GRIK5: variants seen among roughly 807,000 people sequenced by gnomAD.
GRIK5 encodes glutamate ionotropic receptor kainate type subunit 5, also known as glutamate receptor ionotropic, kainate 5.
In GRIK5, 43 loss-of-function variants were observed where a neutral mutation model predicts 97.4. The ratio of observed to expected loss-of-function variants is 0.44; its 90% CI spans 0.35 to 0.57. GRIK5 has a LOEUF of 0.57. Ranked by LOEUF, GRIK5 falls within the 20% of genes least tolerant of loss-of-function variation. The pLI is 0.01. For missense variants in GRIK5, 1,015 were observed against 1,382.0 expected (o/e 0.73, Z 4.21); for synonymous variants, 580 against 583.5 (o/e 0.99, Z 0.09).
Position 42,021,488 on chromosome 19 carries a change from T to G in GRIK5, c.1698-14A>C. 1.3e-6 allele frequency: 2 copies of G among 1,521,514 alleles called. No individual in the cohort carries two copies. The highest frequency in any genetic ancestry group is 4.7e-5 in the East Asian group (2 of 42,712). The allele number at this position is 1,521,514 out of a possible 1,614,324, so 94.3% of individuals were successfully genotyped here. On this transcript the variant is annotated splice_polypyrimidine_tract_variant and intron_variant, in intron 14 of 19. Coordinates refer to ENST00000593562, the MANE Select transcript of GRIK5 (RefSeq NM_002088.5). This position sits in a 1 kb window ranked among gnomAD's most constrained non-coding sequence, Gnocchi z 4.2. ...TAGGGGCTCAGCCTGTGGAGAGACG[T>G]GCAGCGTGTGGATGGGGCCCAGAGC...
chr19:42,048,920 T>C (rs2076077831), intron 11 of GRIK5, among the ~76,000 whole-genome samples: 1 of 151,890 alleles, frequency 6.6e-6, no homozygotes. Flanking sequence ...TGCACGACTG[T>C]GGTCCCAGCT....
In GRIK5 at chr19:42,070,045, G is replaced by A. The variant is rs914183866; in HGVS notation, c.-855C>T. 3.1e-4 allele frequency among the ~76,000 whole-genome samples: 47 copies of A among 152,090 alleles called. No homozygotes were observed. Among genetic ancestry groups the A allele is most frequent in the South Asian group, 2.1e-4 (1 of 4,832 alleles). ...CTGGGCCTCAGTGGGAGGGCCTGGC[G>A]ACACACTCCTGGTCCCCTGTGAGGA... On this transcript the variant is annotated 5_prime_UTR_variant, in exon 1 of 20. Coordinates refer to ENST00000593562, the MANE Select transcript of GRIK5 (RefSeq NM_002088.5).
At position 42,054,375 on chromosome 19, in the gene GRIK5, C is replaced by T. The variant is rs1322206134; in HGVS notation, c.1001G>A (p.Cys334Tyr). The T allele has an allele frequency of 4.3e-6, 7 of 1,613,690 alleles. No homozygotes were observed. Among genetic ancestry groups the T allele is most frequent in the Non-Finnish European group, 5.9e-6 (7 of 1,179,970 alleles). Residue 334 changes from cysteine (C) to tyrosine (Y), a missense_variant, in exon 9 of 20, where the codon TGT becomes TAT. Coordinates refer to ENST00000593562, the MANE Select transcript of GRIK5 (RefSeq NM_002088.5). ...GTGGGGCCAAATGTTGGCCGATGTA[C>T]AGGCCAGAGGCTTCACACCGATCTC... ...SQEIGVKPLA[C>Y]TSANIWPHGT...
chr19:42,063,362 T>G (rs1441153720), intron 3 of GRIK5: 1 of 456,664 alleles, frequency 2.2e-6, no homozygotes, highest in African/African-American at 2.0e-5. Flanking sequence ...GACTGGGAGG[T>G]GGAAAGCTGT....
intron 15 of GRIK5, among the ~76,000 whole-genome samples, chr19:42,010,787 T>G (rs2075551983): frequency 6.6e-6 from 1 of 152,220 alleles, no homozygotes; most frequent in African/African-American, 2.4e-5. Context: ...GATATATTCC[T>G]CACTTTCAAA....
intron 12 of GRIK5, among the ~76,000 whole-genome samples, chr19:42,032,956 A>G (rs2075856569): frequency 6.6e-6 from 1 of 152,196 alleles, no homozygotes; most frequent in Admixed American, 6.5e-5. Flanking sequence ...AGCCAGTGCA[A>G]TCATTTTTAA....
In GRIK5 at chr19:41,999,192, C is replaced by G; in HGVS notation, c.2622G>C (p.Leu874=). ...RRRPGGPSRA[L]LSLRAVREMR... is the part of the protein sequence containing the mutation. Reference sequence around the variant, plus strand: ...TCTCGCGGACCGCGCGCAGTGACAGCAGGGCCCGGCTCGGGCCGCCCGGGC... The same window carrying G: ...TCTCGCGGACCGCGCGCAGTGACAGGAGGGCCCGGCTCGGGCCGCCCGGGC... The change falls in exon 20 of 20, where the codon CTG becomes CTC. Residue 874 remains leucine, a synonymous_variant. Transcript: ENST00000593562. The surrounding 1 kb of genome is among the most constrained non-coding windows in gnomAD (Gnocchi z 5.0). 1.3e-6 allele frequency: 2 copies of G among 1,516,048 alleles called. No individual in the cohort carries two copies. Among genetic ancestry groups the G allele is most frequent in the South Asian group, 1.2e-5 (1 of 82,696 alleles). 93.9% of individuals were successfully genotyped at this position (1,516,048 alleles called of 1,614,324 possible). A position where few individuals can be genotyped will look rare whatever the true frequency, so the allele number is the denominator to read the frequency against.
rs957879519 is a variant in GRIK5, at chr19:42,021,570, G to T, written c.1698-96C>A. On this transcript the variant is annotated intron_variant, in intron 14 of 19. Coordinates refer to ENST00000593562, the MANE Select transcript of GRIK5 (RefSeq NM_002088.5). This position sits in a 1 kb window ranked among gnomAD's most constrained non-coding sequence, Gnocchi z 4.2. ...GAAAGTCACAGTGATCAGAAGAAAG[G>T]GGGAGAGATGGAAAAAGGAGCAAGA... The T allele has an allele frequency of 3.9e-6, 4 of 1,029,062 alleles. No homozygotes were observed. The highest frequency in any genetic ancestry group is 5.5e-6 in the Non-Finnish European group (4 of 724,264). 63.7% of individuals were successfully genotyped at this position (1,029,062 alleles called of 1,614,324 possible). A position where few individuals can be genotyped will look rare whatever the true frequency, so the allele number is the denominator to read the frequency against.
chr19:42,054,013 C>T, intron 9 of GRIK5, 84 bp from the exon 10 acceptor site: 1 of 883,486 alleles, frequency 1.1e-6, no homozygotes, highest in Non-Finnish European at 1.9e-6. Flanking sequence ...GAGACATCCA[C>T]AGAGAAAGGC....
chr19:42,003,031 T>G lies in GRIK5; in HGVS notation c.2514+301A>C, dbSNP rs1555871384. Among the ~76,000 whole-genome samples, 1 of 152,020 alleles carries G rather than the reference T, an allele frequency of 6.6e-6. No individual in the cohort carries two copies. The highest frequency in any genetic ancestry group is 1.5e-5 in the Non-Finnish European group (1 of 67,988). ...GATTACAGGTGTGAGCCACTGCACT[T>G]GGCCCTGTTTCTCTTCTTATTTCTT... On this transcript the variant is annotated intron_variant, in intron 19 of 19. Coordinates refer to ENST00000593562, the MANE Select transcript of GRIK5 (RefSeq NM_002088.5). This position sits in a 1 kb window ranked among gnomAD's most constrained non-coding sequence, Gnocchi z 4.2.
rs1256986333 is a variant in GRIK5 at position 42,006,864 on chromosome 19, C to G, written c.1872-54G>C. 7.1e-7 allele frequency: 1 copy of G among 1,408,824 alleles called. No homozygotes were observed. The allele number at this position is 1,408,824 out of a possible 1,614,324, so 87.3% of individuals were successfully genotyped here. Reference sequence around the variant, plus strand: ...CTGGAGTCACCCCTGCTGACCTGCCCCCGTGGCCATGCCCCCCATTGGTGG... The same window carrying G: ...CTGGAGTCACCCCTGCTGACCTGCCGCCGTGGCCATGCCCCCCATTGGTGG... On this transcript the variant is annotated intron_variant, in intron 15 of 19. Coordinates refer to ENST00000593562, the MANE Select transcript of GRIK5 (RefSeq NM_002088.5). This position sits in a 1 kb window ranked among gnomAD's most constrained non-coding sequence, Gnocchi z 5.3.
rs780715349 is a variant in GRIK5 at position 42,022,380 on chromosome 19, G to T, written c.1474-26C>A. 1.3e-6 allele frequency: 2 copies of T among 1,590,678 alleles called. No homozygotes were observed. The highest frequency in any genetic ancestry group is 1.7e-6 in the Non-Finnish European group (2 of 1,160,354). On this transcript the variant is annotated intron_variant, in intron 12 of 19. Transcript: ENST00000593562. The surrounding 1 kb of genome is among the most constrained non-coding windows in gnomAD (Gnocchi z 4.2). ...CTGCTGGAGGGGAAGCCGGGCAGGG[G>T]TGGAGGGGGACAGAGGGGAAGACAG... is the stretch of plus-strand genomic sequence containing the variant.
chr19:42,004,046 C>T (rs1363411780), intron 17 of GRIK5, among the ~76,000 whole-genome samples: 3 of 152,198 alleles, frequency 2.0e-5, no homozygotes, highest in African/African-American at 7.2e-5. Flanking sequence ...AGGACCTTTG[C>T]CTCTGCCTGG....
In GRIK5 at chr19:42,065,410, G is replaced by A. The variant is rs768236480; in HGVS notation, c.80-23C>T. On this transcript the variant is annotated intron_variant, in intron 2 of 19. Transcript: ENST00000593562. The surrounding 1 kb of genome is among the most constrained non-coding windows in gnomAD (Gnocchi z 5.8). ...CAGCTGAGGGGACACATGGGTTGGG[G>A]ACCAGACTCCTGAGTCCTGAGGAAG... 6.4e-7 allele frequency: 1 copy of A among 1,561,700 alleles called. No individual in the cohort carries two copies. Among genetic ancestry groups the A allele is most frequent in the South Asian group, 1.2e-5 (1 of 85,448 alleles).
intron 15 of GRIK5, among the ~76,000 whole-genome samples, chr19:42,010,066 CAA>C (rs60561027): frequency 2.7e-3 from 281 of 104,076 alleles, no homozygotes; most frequent in African/African-American, 5.6e-3. Flanking sequence ...AACTCCATCT[CAA>C]AAAAAAAAAA....
In GRIK5 at chr19:42,002,236, C is replaced by T. The variant is rs1177970846; in HGVS notation, c.2514+1096G>A. The T allele has an allele frequency of 1.4e-6, 1 of 717,294 alleles. No individual in the cohort carries two copies. Among genetic ancestry groups the T allele is most frequent in the Admixed American group, 2.0e-5 (1 of 50,004 alleles). The allele number at this position is 717,294 out of a possible 1,614,324, so 44.4% of individuals were successfully genotyped here. A position where few individuals can be genotyped will look rare whatever the true frequency, so the allele number is the denominator to read the frequency against. On this transcript the variant is annotated intron_variant, in intron 19 of 19. Coordinates refer to ENST00000593562, the MANE Select transcript of GRIK5 (RefSeq NM_002088.5). The surrounding 1 kb of genome is among the most constrained non-coding windows in gnomAD (Gnocchi z 5.2). ...GAAGAAACTGGAAGCATCAGGGAGA[C>T]CCCCCACTGCTGCCAAGGCTGTAAA...
chr19:42,027,285 G>A (rs2075783944), intron 12 of GRIK5, among the ~76,000 whole-genome samples: 1 of 152,200 alleles, frequency 6.6e-6, no homozygotes, highest in Non-Finnish European at 1.5e-5. Context: ...GCTCCCCACT[G>A]TTGCAAGGGG....
At chr19:42,054,275 G>C in intron 9 of GRIK5, 45 bp downstream of exon 9, 1 of 1,577,632 alleles carries the variant, frequency 6.3e-7, no homozygotes. Flanking sequence ...TCCCACCTGA[G>C]GTGGCCGTGT....
At position 42,003,453 on chromosome 19, in the gene GRIK5, C is replaced by T; in HGVS notation, c.2393G>A (p.Gly798Asp). ...GCCACCAATGTTCTCCATGCCCAAA[C>T]CTGGAGGGCGAAGGGAGTTGGGGGG... ...CPKEEDHRAK[G>D]LGMENIGGIF... is the part of the protein sequence containing the mutation. The change falls in exon 19 of 20, where the codon GGT (glycine) becomes GAT (aspartate). Residue 798 changes from glycine to aspartate, a missense_variant and splice_region_variant. Transcript: ENST00000593562. This position sits in a 1 kb window ranked among gnomAD's most constrained non-coding sequence, Gnocchi z 4.2. 6.2e-7 allele frequency: 1 copy of T among 1,613,932 alleles called. No homozygotes were observed. The highest frequency in any genetic ancestry group is 8.5e-7 in the Non-Finnish European group (1 of 1,179,900).
Sources: allele counts gnomAD v4.1 joint callset (sites outside exome capture counted in the v4.1 genomes callset), GRCh38; gene constraint gnomAD v4.1.1; non-coding constraint Gnocchi (gnomAD v3.1); transcripts MANE v1.5; gene names NCBI Gene and HGNC (gene_info 2026-07-23, HGNC 2026-07-21).